Variants in DRC11 observed in about 807,000 individuals in gnomAD.
DRC11 encodes the protein IQ and AAA domain-containing protein 1.
the DRC11 span, among the ~76,000 whole-genome samples, chr2:236,348,224 A>T: frequency 1.3e-5 from 2 of 152,210 alleles, no homozygotes; most frequent in Non-Finnish European, 2.9e-5. The surrounding 1 kb of genome is among the most constrained non-coding windows in gnomAD (Gnocchi z 7.4). Flanking sequence ...TGAGCTGGCA[A>T]TCCGGAGTTC....
At chr2:236,447,100 T>C in the DRC11 span, among the ~76,000 whole-genome samples, 2 of 151,570 alleles carry the variant, frequency 1.3e-5, no homozygotes, top group African/African-American at 4.9e-5. This position sits in a 1 kb window ranked among gnomAD's most constrained non-coding sequence, Gnocchi z 4.6. Flanking sequence ...CTCTGTCTCC[T>C]TCCCAGCCTG....
At chr2:236,375,369 G>A in the DRC11 span, among the ~76,000 whole-genome samples, 6 of 152,218 alleles carry the variant, frequency 3.9e-5, no homozygotes, top group South Asian at 6.2e-4. This position sits in a 1 kb window ranked among gnomAD's most constrained non-coding sequence, Gnocchi z 4.2. Context: ...CACTGTACTC[G>A]GCACTAGGAT....
At chr2:236,323,484 G>A in the DRC11 span, among the ~76,000 whole-genome samples, 11 of 152,180 alleles carry the variant, frequency 7.2e-5, no homozygotes, top group Non-Finnish European at 1.6e-4. The surrounding 1 kb of genome is among the most constrained non-coding windows in gnomAD (Gnocchi z 6.4). Context: ...ACTGTCCAGG[G>A]CACATCGGCC....
chr2:236,457,540 T>G, the DRC11 span, among the ~76,000 whole-genome samples: 3 of 152,208 alleles, frequency 2.0e-5, no homozygotes, highest in African/African-American at 4.8e-5. This position sits in a 1 kb window ranked among gnomAD's most constrained non-coding sequence, Gnocchi z 4.7. Context: ...AGATACTGAG[T>G]GCTAATCCCC....
the DRC11 span, among the ~76,000 whole-genome samples, chr2:236,383,753 C>T: frequency 4.6e-5 from 7 of 151,454 alleles, no homozygotes; most frequent in South Asian, 2.1e-4. Context: ...CATGCTGGTG[C>T]GCTGCACCCA....
chr2:236,357,861 C>CTATATATATATTTATAA, the DRC11 span, among the ~76,000 whole-genome samples: 2 of 117,944 alleles, frequency 1.7e-5, no homozygotes, highest in African/African-American at 3.5e-5. Context: ...TAAATATATA[C>CTATATATATATTTATAA]TATATAAATA....
the DRC11 span, among the ~76,000 whole-genome samples, chr2:236,472,318 T>TC: frequency 7.2e-5 from 11 of 152,076 alleles, no homozygotes; most frequent in South Asian, 2.1e-3. This position sits in a 1 kb window ranked among gnomAD's most constrained non-coding sequence, Gnocchi z 4.6. Context: ...CCTCCACAAT[T>TC]CCCCCCTGCA....
At chr2:236,376,276 G>T in the DRC11 span, among the ~76,000 whole-genome samples, 4 of 152,212 alleles carry the variant, frequency 2.6e-5, no homozygotes, top group East Asian at 7.7e-4. This position sits in a 1 kb window ranked among gnomAD's most constrained non-coding sequence, Gnocchi z 5.7. Context: ...ATGGCGGAAG[G>T]CTGGGAAACT....
chr2:236,377,275 A>G, the DRC11 span: 1 of 729,232 alleles, frequency 1.4e-6, no homozygotes. This position sits in a 1 kb window ranked among gnomAD's most constrained non-coding sequence, Gnocchi z 4.9. Context: ...GAGAACTTAA[A>G]CCAGATCTAT....
At chr2:236,341,077 G>T in the DRC11 span, among the ~76,000 whole-genome samples, 3 of 152,160 alleles carry the variant, frequency 2.0e-5, no homozygotes, top group African/African-American at 7.2e-5. Context: ...GTATTACTTT[G>T]GGCAATTTCA....
chr2:236,409,644 T>C, the DRC11 span, among the ~76,000 whole-genome samples: 6 of 152,028 alleles, frequency 3.9e-5, no homozygotes. Flanking sequence ...TCCAATACTA[T>C]GTTGAATAGG....
chr2:236,316,305 G>A, the DRC11 span, among the ~76,000 whole-genome samples: 1 of 152,106 alleles, frequency 6.6e-6, no homozygotes, highest in African/African-American at 2.4e-5. This position sits in a 1 kb window ranked among gnomAD's most constrained non-coding sequence, Gnocchi z 6.8. Flanking sequence ...TGGGATTACA[G>A]GCACCCACCA....
chr2:236,308,893 A>G, the DRC11 span, among the ~76,000 whole-genome samples: 10 of 152,354 alleles, frequency 6.6e-5, no homozygotes, highest in Non-Finnish European at 1.5e-4. This position sits in a 1 kb window ranked among gnomAD's most constrained non-coding sequence, Gnocchi z 6.0. Context: ...ATAAAACTTA[A>G]AGCAATGAAA....
the DRC11 span, among the ~76,000 whole-genome samples, chr2:236,441,644 C>G: frequency 3.9e-5 from 6 of 152,086 alleles, no homozygotes; most frequent in African/African-American, 1.4e-4. Flanking sequence ...ATAAAGCAGA[C>G]TTTGAAATTT....
chr2:236,412,208 C>G, the DRC11 span, among the ~76,000 whole-genome samples: 2 of 152,114 alleles, frequency 1.3e-5, no homozygotes, highest in Admixed American at 6.5e-5. Flanking sequence ...TCTCACTTCT[C>G]ATGGCAGAGG....
At chr2:236,459,091 A>G in the DRC11 span, among the ~76,000 whole-genome samples, 1 of 152,268 alleles carries the variant, frequency 6.6e-6, no homozygotes, top group South Asian at 2.1e-4. Flanking sequence ...CACTATTACA[A>G]TAATTCAAAA....
the DRC11 span, among the ~76,000 whole-genome samples, chr2:236,317,900 T>C: frequency 2.6e-5 from 4 of 152,308 alleles, no homozygotes; most frequent in East Asian, 1.9e-4. This position sits in a 1 kb window ranked among gnomAD's most constrained non-coding sequence, Gnocchi z 5.4. Context: ...AGGTCTTTTA[T>C]TGATGAAGAA....
At chr2:236,337,119 C>T in the DRC11 span, among the ~76,000 whole-genome samples, 9 of 152,248 alleles carry the variant, frequency 5.9e-5, no homozygotes, top group South Asian at 1.9e-3. This position sits in a 1 kb window ranked among gnomAD's most constrained non-coding sequence, Gnocchi z 4.9. Context: ...CGCGAGCGAT[C>T]CTGGGTATCC....
chr2:236,428,104 T>A, the DRC11 span, among the ~76,000 whole-genome samples: 1 of 152,214 alleles, frequency 6.6e-6, no homozygotes, highest in Non-Finnish European at 1.5e-5. Context: ...ATATACTTCA[T>A]ATGATTTTGA....
Sources: gnomAD v4.1 joint callset for allele counts (sites outside exome capture counted in the v4.1 genomes callset) on GRCh38, gnomAD v4.1.1 for gene constraint, Gnocchi (gnomAD v3.1) non-coding constraint, MANE v1.5 for transcripts, NCBI Gene and HGNC (gene_info 2026-07-23, HGNC 2026-07-21) for gene names.